SMARCA5: variants seen among roughly 807,000 people sequenced by gnomAD.
The protein encoded by SMARCA5 is SWI/SNF-related matrix-associated actin-dependent regulator of chromatin subfamily A member 5.
Under a neutral mutation model 140.4 loss-of-function variants are expected in SMARCA5, and 18 were observed. That is an observed-to-expected ratio of 0.13 (90% CI 0.09 to 0.19). The LOEUF is 0.19. Among genes scored for constraint, SMARCA5 ranks in the 10% least tolerant of loss-of-function variants. The probability of loss-of-function intolerance (pLI) is 1.00; values close to 1 mark genes in which losing one functional copy is unlikely to be tolerated. For missense variants in SMARCA5, 606 were observed against 1,276.8 expected (o/e 0.47, Z 8.01); for synonymous variants, 449 against 419.6 (o/e 1.07, Z -0.86).
intron 23 of SMARCA5, 118 bp from the exon 24 acceptor site, chr4:143,553,001 A>G (rs1045736310): frequency 1.7e-5 from 12 of 688,900 alleles, no homozygotes; most frequent in Non-Finnish European, 2.8e-5. Flanking sequence ...CCTGGGGGAA[A>G]AGTCTCATAC....
chr4:143,539,045 T>G (rs1737373255), intron 13 of SMARCA5, 107 bp downstream of exon 13: 1 of 950,444 alleles, frequency 1.1e-6, no homozygotes. Context: ...TTTATTTTTC[T>G]CTAATCTAAT....
intron 14 of SMARCA5, among the ~76,000 whole-genome samples, chr4:143,541,422 C>T (rs958685766): frequency 6.6e-6 from 1 of 152,166 alleles, no homozygotes; most frequent in African/African-American, 2.4e-5. Flanking sequence ...TCTTTGGTAT[C>T]CCTAATGCTA....
chr4:143,536,415 C>T, intron 10 of SMARCA5, 37 bp from the exon 11 acceptor site: 1 of 1,416,744 alleles, frequency 7.1e-7, no homozygotes, highest in Non-Finnish European at 1.0e-6. Context: ...GATCAAGGAA[C>T]ATTTGAGCTC....
rs1248204684 is a variant in SMARCA5 at position 143,548,091 on chromosome 4, A to G, written c.2936A>G (p.Asn979Ser). ...GATGAATTGCGACAGTGTATTCGCA[A>G]CTCTCCTCAGTTCAGATTTGACTGG... is the stretch of plus-strand genomic sequence containing the variant. The part of the protein sequence containing the change: ...VYDELRQCIR[N>S]SPQFRFDWFL... Residue 979 changes from asparagine to serine, a missense_variant, in exon 22 of 24, where the codon AAC (asparagine) becomes AGC (serine). This residue lies in a region of SMARCA5 where 121 missense variants were observed against 227.1 expected (regional missense o/e 0.53). Transcript: ENST00000283131. 5.0e-6 allele frequency: 8 copies of G among 1,612,360 alleles called. No homozygotes were observed. The highest frequency in any genetic ancestry group is 4.5e-5 in the East Asian group (2 of 44,838).
At chr4:143,550,217 T>G in intron 23 of SMARCA5, 113 bp downstream of exon 23, 2 of 456,886 alleles carry the variant, frequency 4.4e-6, no homozygotes, top group Non-Finnish European at 3.8e-6. Flanking sequence ...ACCCCTCCAT[T>G]GCCTTTACTT....
chr4:143,551,544 C>CT (rs1385672037), intron 23 of SMARCA5, among the ~76,000 whole-genome samples: 2 of 152,036 alleles, frequency 1.3e-5, no homozygotes, highest in Non-Finnish European at 2.9e-5. Flanking sequence ...GACTTAAAGT[C>CT]TTTAATACAT....
intron 11 of SMARCA5, among the ~76,000 whole-genome samples, chr4:143,537,722 C>G (rs935225006): frequency 6.6e-6 from 1 of 152,000 alleles, no homozygotes; most frequent in Non-Finnish European, 1.5e-5. Context: ...TGAGACCAGC[C>G]TGGCCAACAT....
At chr4:143,515,192 G>A (rs997128274) in intron 1 of SMARCA5, among the ~76,000 whole-genome samples, 2 of 152,134 alleles carry the variant, frequency 1.3e-5, no homozygotes, top group African/African-American at 2.4e-5. Context: ...AAATGGTAGC[G>A]TAATTTACCA....
chr4:143,514,192 G>C (rs1468347010), intron 1 of SMARCA5, 91 bp downstream of exon 1: 1 of 1,225,776 alleles, frequency 8.2e-7, no homozygotes, highest in African/African-American at 1.5e-5. Context: ...GCAGAGCCGG[G>C]TTTCTCTCTC....
chr4:143,543,433 CTTACAT>C, intron 14 of SMARCA5, 70 bp from the exon 15 acceptor site: 1 of 1,155,984 alleles, frequency 8.7e-7, no homozygotes, highest in East Asian at 2.5e-5. Flanking sequence ...AGCATTAAAC[CTTACAT>C]TTAAAGTTTC....
chr4:143,528,733 T>C lies in SMARCA5; in HGVS notation c.1089+19T>C. 1 of 1,602,214 alleles carries C rather than the reference T, an allele frequency of 6.2e-7. No individual in the cohort carries two copies. The highest frequency in any genetic ancestry group is 8.5e-7 in the Non-Finnish European group (1 of 1,176,218). On this transcript the variant is annotated intron_variant, in intron 8 of 23. Transcript: ENST00000283131. The stretch of plus-strand genomic sequence containing the variant: ...AGCAGATGTAAGTATTTCCTGGTGC[T>C]TTCTGGTTAATAATAATATTTTGCT...
rs781637816 is a variant in SMARCA5, at chr4:143,514,062, G to A, written c.138G>A (p.Ala46=). The A allele has an allele frequency of 1.3e-6, 2 of 1,563,108 alleles. No individual in the cohort carries two copies. The highest frequency in any genetic ancestry group is 2.7e-5 in the African/African-American group (2 of 73,658). The change falls in exon 1 of 24, where the codon GCG becomes GCA. Residue 46 remains alanine (A), a synonymous_variant. Coordinates refer to ENST00000283131, the MANE Select transcript of SMARCA5 (RefSeq NM_003601.4). ...GPEGVAAQAV[A]SAASAGPADA... ...AAGGCGTCGCGGCGCAGGCGGTTGC[G>A]TCTGCGGCCAGCGCTGGTCCCGCAG...
chr4:143,514,287 C>G, intron 1 of SMARCA5, 186 bp downstream of exon 1: 1 of 547,392 alleles, frequency 1.8e-6, no homozygotes, highest in South Asian at 2.7e-5. Context: ...TCGAGCTAAG[C>G]AAAATGGATT....
chr4:143,517,442 C>A lies in SMARCA5; in HGVS notation c.252+13C>A. 6.4e-7 allele frequency: 1 copy of A among 1,566,526 alleles called. No individual in the cohort carries two copies. Among genetic ancestry groups the A allele is most frequent in the Non-Finnish European group, 8.7e-7 (1 of 1,149,112 alleles). On this transcript the variant is annotated intron_variant, in intron 2 of 23. Coordinates refer to ENST00000283131, the MANE Select transcript of SMARCA5 (RefSeq NM_003601.4). ...TGAAGAAAAAATGGTATGTTCTAGG[C>A]TTGTGAATAGAGTCTATAAGGAAAA...
In SMARCA5 at chr4:143,555,075, G is replaced by T; in HGVS notation, c.*1891G>T. On this transcript the variant is annotated 3_prime_UTR_variant, in exon 24 of 24. Transcript: ENST00000283131. Reference sequence around the variant, plus strand: ...TCTCCCGCTAAGCTTTTGTTTCCTGGCAGTAATTAAAATCTTCTGTCAGTG... The same window carrying T: ...TCTCCCGCTAAGCTTTTGTTTCCTGTCAGTAATTAAAATCTTCTGTCAGTG... 3.3e-6 allele frequency: 2 copies of T among 604,864 alleles called. No individual in the cohort carries two copies. The highest frequency in any genetic ancestry group is 6.2e-6 in the Non-Finnish European group (2 of 324,092). 37.5% of individuals were successfully genotyped at this position (604,864 alleles called of 1,614,324 possible).
rs1497620 is a variant in SMARCA5, at chr4:143,557,104, C to A, written c.*3920C>A. On this transcript the variant is annotated 3_prime_UTR_variant, in exon 24 of 24. Transcript: ENST00000283131. ...AGAGATTCCCTAGCTCTAATGACAG[C>A]TTTTTTGGGGGGTAATGAGGCTATG... 146,758 of 152,242 alleles carry A rather than the reference C, an allele frequency of 0.96. 70,988 individuals carry two copies. Among genetic ancestry groups the A allele is most frequent in the Middle Eastern group, 1 (294 of 294 alleles). The allele number at this position is 152,242 out of a possible 1,614,324, so 9.4% of individuals were successfully genotyped here. A position where few individuals can be genotyped will look rare whatever the true frequency, so the allele number is the denominator to read the frequency against.
chr4:143,517,147 A>G lies in SMARCA5; in HGVS notation c.178-208A>G, dbSNP rs1185592443. Among the ~76,000 whole-genome samples, 3 of 152,328 alleles carry G rather than the reference A, an allele frequency of 2.0e-5. No individual in the cohort carries two copies. The East Asian group carries it at 5.8e-4, about 29-fold the overall frequency. On this transcript the variant is annotated intron_variant, in intron 1 of 23. Transcript: ENST00000283131. Reference sequence around the variant, plus strand: ...TCTTGGCAACAACCATACAGTTTATATATATGGGTTAAATACGTTGTTATC... The same window carrying G: ...TCTTGGCAACAACCATACAGTTTATGTATATGGGTTAAATACGTTGTTATC...
In SMARCA5 at chr4:143,513,768, T is replaced by C. The variant is rs1006858967; in HGVS notation, c.-157T>C. 1.2e-5 allele frequency: 10 copies of C among 800,506 alleles called. No individual in the cohort carries two copies. Among genetic ancestry groups the C allele is most frequent in the Non-Finnish European group, 1.9e-5 (10 of 515,052 alleles). The allele number at this position is 800,506 out of a possible 1,614,324, so 49.6% of individuals were successfully genotyped here. ...GGAGTGTGCAGCTCCTGGGCCCGGCTCAGGCCCGTCGCGGAGGCGCGGCGC... is the reference window on the plus strand; with the variant it reads ...GGAGTGTGCAGCTCCTGGGCCCGGCCCAGGCCCGTCGCGGAGGCGCGGCGC... On this transcript the variant is annotated 5_prime_UTR_variant, in exon 1 of 24. Coordinates refer to ENST00000283131, the MANE Select transcript of SMARCA5 (RefSeq NM_003601.4).
At chr4:143,536,114 T>G (rs1737297130) in intron 10 of SMARCA5, among the ~76,000 whole-genome samples, 2 of 152,172 alleles carry the variant, frequency 1.3e-5, no homozygotes, top group African/African-American at 2.4e-5. Context: ...AAACTAAAAT[T>G]ATGTTTAAAA....
Sources: gnomAD v4.1 joint callset for allele counts (sites outside exome capture counted in the v4.1 genomes callset) on GRCh38, gnomAD v4.1.1 for gene constraint, gnomAD v4.1.1 regional missense constraint, MANE v1.5 for transcripts, NCBI Gene and HGNC (gene_info 2026-07-23, HGNC 2026-07-21) for gene names.